DLG2: variants seen among roughly 807,000 people sequenced by gnomAD.
DLG2 encodes the protein disks large homolog 2.
A neutral mutation model predicts 132.5 loss-of-function variants in DLG2; 45 were observed. The ratio of observed to expected loss-of-function variants is 0.34; its 90% CI spans 0.27 to 0.44. The LOEUF (loss-of-function observed/expected upper bound fraction) is 0.44, where lower values mean the gene tolerates loss of function less well. Among genes scored for constraint, DLG2 ranks in the 20% least tolerant of loss-of-function variants. The pLI, the probability that DLG2 is intolerant of heterozygous loss-of-function variation, is 1.00. For missense variants in DLG2, 1,045 were observed against 1,196.9 expected, an observed-to-expected ratio of 0.87 and a Z score of 1.87; for synonymous variants, 424 against 419.6, an observed-to-expected ratio of 1.01 and a Z score of -0.13.
At chr11:85,057,191 T>C (rs374434499) in intron 6 of DLG2, among the ~76,000 whole-genome samples, 1 of 151,432 alleles carries the variant, frequency 6.6e-6, no homozygotes, top group Non-Finnish European at 1.5e-5. Flanking sequence ...AGCCCGGATA[T>C]AGTTGAAGGA....
rs1409506457 is a variant in DLG2 at position 85,292,624 on chromosome 11, C to CGAAGGAAGGAAGGAAGGAAGGAAGGAAG, written c.41-7287_41-7260dup. On this transcript the variant is annotated intron_variant, in intron 3 of 27. Transcript: ENST00000376104. ...CTTCTGTGCCTAGACAAAGCACAACCGAAGGAAGGAAGGAAGGAAGGAAGG... is the reference window on the plus strand; with the variant it reads ...CTTCTGTGCCTAGACAAAGCACAACCGAAGGAAGGAAGGAAGGAAGGAAGGAAGGAAGGAAGGAAGGAAGGAAGGAAGG... Among the ~76,000 whole-genome samples, 23 of 14,486 alleles carry CGAAGGAAGGAAGGAAGGAAGGAAGGAAG rather than the reference C, an allele frequency of 1.6e-3. 3 individuals are homozygous for CGAAGGAAGGAAGGAAGGAAGGAAGGAAG. In the South Asian group the frequency reaches 0.021, roughly 13 times the overall value. 9.5% of individuals were successfully genotyped at this position (14,486 alleles called of 152,430 possible). A position where few individuals can be genotyped will look rare whatever the true frequency, so the allele number is the denominator to read the frequency against.
intron 6 of DLG2, among the ~76,000 whole-genome samples, chr11:84,966,198 C>T (rs1213995999): frequency 1.3e-5 from 2 of 151,884 alleles, no homozygotes; most frequent in African/African-American, 4.8e-5. Context: ...TACCATGTAT[C>T]TCGCTGTCTA....
Position 84,867,347 on chromosome 11 carries a change from T to C in DLG2, c.357+244314A>G, listed in dbSNP as rs543443240. ...AGTGGGAGTATGGACTCCTTTAGCT[T>C]GTTGCAGAGAATGAGCCATGGTGAA... is the stretch of plus-strand genomic sequence containing the variant. On this transcript the variant is annotated intron_variant, in intron 6 of 27. Transcript: ENST00000376104. 7.9e-5 allele frequency among the ~76,000 whole-genome samples: 12 copies of C among 152,320 alleles called. No homozygotes were observed. In the South Asian group the frequency reaches 2.3e-3, roughly 29 times the overall value.
chr11:84,805,186 G>C (rs945359568), intron 6 of DLG2, among the ~76,000 whole-genome samples: 1 of 152,048 alleles, frequency 6.6e-6, no homozygotes, highest in Non-Finnish European at 1.5e-5. Context: ...GTGGGAAACG[G>C]GAACTCCCAC....
At chr11:84,828,648 G>C (rs1022440001) in intron 6 of DLG2, among the ~76,000 whole-genome samples, 2 of 151,726 alleles carry the variant, frequency 1.3e-5, no homozygotes, top group African/African-American at 2.4e-5. Flanking sequence ...TTTGGTGAGA[G>C]TAGTGAGGAA....
intron 2 of DLG2, among the ~76,000 whole-genome samples, chr11:85,614,596 C>T (rs1012602505): frequency 5.3e-5 from 8 of 152,242 alleles, no homozygotes; most frequent in African/African-American, 1.7e-4. Flanking sequence ...GCCAAAATGG[C>T]GCCATTGCAC....
chr11:83,675,434 T>C (rs1007043792), intron 18 of DLG2, among the ~76,000 whole-genome samples: 3 of 152,206 alleles, frequency 2.0e-5, no homozygotes, highest in Non-Finnish European at 4.4e-5. Context: ...CAAATACACT[T>C]GAGTTACTGC....
At chr11:84,366,034 A>T (rs2098680283) in intron 7 of DLG2, among the ~76,000 whole-genome samples, 2 of 152,216 alleles carry the variant, frequency 1.3e-5, no homozygotes, top group South Asian at 2.1e-4. Flanking sequence ...AGTTGAAATG[A>T]AGGAAAAAAT....
At chr11:83,916,565 C>G (rs935235769) in intron 15 of DLG2, among the ~76,000 whole-genome samples, 1 of 152,168 alleles carries the variant, frequency 6.6e-6, no homozygotes, top group Non-Finnish European at 1.5e-5. Context: ...ATCTGTCCAC[C>G]TCGGCCTCCC....
intron 8 of DLG2, among the ~76,000 whole-genome samples, chr11:84,211,749 G>A (rs1045341798): frequency 5.3e-5 from 8 of 152,052 alleles, no homozygotes; most frequent in African/African-American, 1.4e-4. Context: ...TCACCTATAG[G>A]AAACTCAGTC....
chr11:83,921,431 C>T (rs776363931), intron 15 of DLG2, among the ~76,000 whole-genome samples: 10 of 152,004 alleles, frequency 6.6e-5, no homozygotes, highest in Admixed American at 2.0e-4. Flanking sequence ...AACCATGTAC[C>T]GTAATATTTC....
At chr11:83,840,632 G>A (rs1234263465) in intron 16 of DLG2, among the ~76,000 whole-genome samples, 2 of 152,210 alleles carry the variant, frequency 1.3e-5, no homozygotes, top group Admixed American at 1.3e-4. Flanking sequence ...AATTTTTAAA[G>A]ATAAGCCAAG....
At chr11:83,834,937 G>C (rs1352814051) in intron 16 of DLG2, among the ~76,000 whole-genome samples, 2 of 152,138 alleles carry the variant, frequency 1.3e-5, no homozygotes, top group East Asian at 3.9e-4. Context: ...TCTTAATGAT[G>C]TAAGAATGAG....
Position 85,421,421 on chromosome 11 carries a change from T to C in DLG2, c.41-136056A>G, listed in dbSNP as rs563184041. 2.7e-4 allele frequency among the ~76,000 whole-genome samples: 39 copies of C among 145,288 alleles called. 1 individual carries two copies. The highest frequency in any genetic ancestry group is 1.1e-3 in the South Asian group (5 of 4,586). On this transcript the variant is annotated intron_variant, in intron 3 of 27. Coordinates refer to ENST00000376104, the MANE Select transcript of DLG2 (RefSeq NM_001142699.3). Reference sequence around the variant, plus strand: ...CTTACCAGCCATCCATCCCTCCCCCTTTTTTTTTTTTAACTGCTGTTGCTT... The same window carrying C: ...CTTACCAGCCATCCATCCCTCCCCCCTTTTTTTTTTTAACTGCTGTTGCTT...
At position 85,203,885 on chromosome 11, in the gene DLG2, A is replaced by G. The variant is rs542366969; in HGVS notation, c.187-49234T>C. On this transcript the variant is annotated intron_variant, in intron 4 of 27. Coordinates refer to ENST00000376104, the MANE Select transcript of DLG2 (RefSeq NM_001142699.3). ...GGGATGCACAGATGGTTCAACCTAC[A>G]AAAATCAATCAACATAATACATCAC... is the stretch of plus-strand genomic sequence containing the variant. Among the ~76,000 whole-genome samples, 100 of 152,246 alleles carry G rather than the reference A, an allele frequency of 6.6e-4. 1 individual carries two copies. Among genetic ancestry groups the G allele is most frequent in the African/African-American group, 2.3e-3 (96 of 41,586 alleles).
At chr11:85,027,314 G>A (rs981345291) in intron 6 of DLG2, among the ~76,000 whole-genome samples, 6 of 151,870 alleles carry the variant, frequency 4.0e-5, no homozygotes, top group Non-Finnish European at 7.4e-5. Flanking sequence ...AATGTCTGGA[G>A]GTTGGGTTAT....
intron 11 of DLG2, among the ~76,000 whole-genome samples, chr11:84,016,331 C>G (rs2095184046): frequency 6.6e-6 from 1 of 151,966 alleles, no homozygotes. Flanking sequence ...TGTAGGTTGT[C>G]TGTTTACTCT....
intron 6 of DLG2, among the ~76,000 whole-genome samples, chr11:84,716,300 G>A (rs1412334423): frequency 2.6e-5 from 4 of 151,874 alleles, no homozygotes; most frequent in Non-Finnish European, 5.9e-5. Context: ...AAATAGTAAA[G>A]CAAAGGAATA....
chr11:84,902,613 C>T (rs2091025879), intron 6 of DLG2, among the ~76,000 whole-genome samples: 1 of 152,084 alleles, frequency 6.6e-6, no homozygotes, highest in Non-Finnish European at 1.5e-5. Context: ...GAAATGTTAT[C>T]CACACCTGTG....
Sources: allele counts gnomAD v4.1 joint callset (sites outside exome capture counted in the v4.1 genomes callset), GRCh38; gene constraint gnomAD v4.1.1; transcripts MANE v1.5; gene names NCBI Gene and HGNC (gene_info 2026-07-23, HGNC 2026-07-21).